Variants in HSPA2 observed in about 807,000 individuals in gnomAD.
HSPA2 encodes heat shock protein family A (Hsp70) member 2.
HSPA2 carries 13 observed loss-of-function variants against 35.0 expected under a neutral mutation model. That is an observed-to-expected ratio of 0.37 (90% confidence interval 0.24 to 0.59). HSPA2 has a LOEUF of 0.59. Among genes scored for constraint, HSPA2 ranks in the 20% least tolerant of loss-of-function variants. The pLI, the probability that HSPA2 is intolerant of heterozygous loss-of-function variation, is 0.70. For synonymous variants in HSPA2, 368 were observed against 382.1 expected, an observed-to-expected ratio of 0.96 and a Z score of 0.43; for missense variants, 565 against 885.4, an observed-to-expected ratio of 0.64 and a Z score of 4.59.
chr14:64,536,070 T>A (rs1186948221), upstream of HSPA2: 4 of 152,198 alleles, frequency 2.6e-5, no homozygotes, highest in Non-Finnish European at 4.4e-5. Flanking sequence ...CTGTTAATAG[T>A]CAAGTTCTCA....
Position 64,542,495 on chromosome 14 carries a change from C to T in HSPA2, c.1646C>T (p.Thr549Ile). ...VAAKNALESY[T>I]YNIKQTVEDE... The stretch of plus-strand genomic sequence containing the variant: ...GCCAAAAACGCCCTGGAGTCCTATA[C>T]CTACAACATCAAGCAGACGGTGGAA... The change falls in exon 1 of 1, where the codon ACC becomes ATC. Residue 549 changes from threonine to isoleucine, a missense_variant. Physicochemically the swap from Thr to Ile is moderately conservative, Grantham distance 89 (BLOSUM62 -1). Around this residue, in one of 4 missense-constraint regions of HSPA2, gnomAD observed 147 missense variants for 166.7 expected, o/e 0.88. Coordinates refer to ENST00000247207, the MANE Select transcript of HSPA2 (RefSeq NM_021979.4). This position sits in a 1 kb window ranked among gnomAD's most constrained non-coding sequence, Gnocchi z 5.7. 1.2e-6 allele frequency: 2 copies of T among 1,613,398 alleles called. No homozygotes were observed. The highest frequency in any genetic ancestry group is 1.7e-6 in the Non-Finnish European group (2 of 1,179,978).
upstream of HSPA2, among the ~76,000 whole-genome samples, chr14:64,537,696 G>T (rs952539080): frequency 1.3e-5 from 2 of 150,270 alleles, no homozygotes; most frequent in African/African-American, 4.9e-5. Context: ...GAAAAGTCTG[G>T]GTTTTATCCT....
chr14:64,540,131 C>T (rs2080013462), upstream of HSPA2, among the ~76,000 whole-genome samples: 1 of 152,178 alleles, frequency 6.6e-6, no homozygotes. Context: ...CCCAGCCACC[C>T]CAATTCCCTA....
upstream of HSPA2, among the ~76,000 whole-genome samples, chr14:64,538,637 C>G (rs1389065420): frequency 1.3e-5 from 2 of 152,178 alleles, no homozygotes; most frequent in Non-Finnish European, 2.9e-5. Context: ...CCTCTGTGTT[C>G]CCATGGCGCT....
upstream of HSPA2, chr14:64,540,737 A>G (rs1596713076): frequency 6.8e-7 from 1 of 1,476,566 alleles, no homozygotes. Flanking sequence ...GGGCGCGGGG[A>G]GCTGAGTTGC....
Position 64,542,201 on chromosome 14 carries a change from C to T in HSPA2, c.1352C>T (p.Ala451Val). 6.2e-7 allele frequency: 1 copy of T among 1,613,790 alleles called. No individual in the cohort carries two copies. The highest frequency in any genetic ancestry group is 8.5e-7 in the Non-Finnish European group (1 of 1,179,928). ...GTGCAGGTATACGAGGGCGAACGGG[C>T]CATGACCAAGGACAATAACCTGCTG... Reference protein sequence around the residue: ...VLVQVYEGERAMTKDNNLLGK... With the variant: ...VLVQVYEGERVMTKDNNLLGK... Residue 451 changes from alanine to valine, a missense_variant, in exon 1 of 1, where the codon GCC becomes GTC. Coordinates refer to ENST00000247207, the MANE Select transcript of HSPA2 (RefSeq NM_021979.4). This position sits in a 1 kb window ranked among gnomAD's most constrained non-coding sequence, Gnocchi z 5.7.
At chr14:64,536,552 G>C (rs2079981731), upstream of HSPA2, among the ~76,000 whole-genome samples, 1 of 152,172 alleles carries the variant, frequency 6.6e-6, no homozygotes, top group Non-Finnish European at 1.5e-5. Flanking sequence ...CTTGAGCTAA[G>C]GAGTTCGAGA....
chr14:64,539,914 T>C (rs1320227281), upstream of HSPA2, among the ~76,000 whole-genome samples: 1 of 152,110 alleles, frequency 6.6e-6, no homozygotes, highest in Non-Finnish European at 1.5e-5. Context: ...TGTCTTAACG[T>C]CGTGATCCGG....
Position 64,541,754 on chromosome 14 carries a change from G to A in HSPA2, c.905G>A (p.Arg302His). 2 of 1,612,400 alleles carry A rather than the reference G, an allele frequency of 1.2e-6. No homozygotes were observed. Among genetic ancestry groups the A allele is most frequent in the Non-Finnish European group, 1.7e-6 (2 of 1,179,678 alleles). The change falls in exon 1 of 1, where the codon CGC becomes CAC. Residue 302 changes from arginine (R) to histidine (H), a missense_variant. Arg to His is a conservative substitution (Grantham distance 29, BLOSUM62 0). Transcript: ENST00000247207. The stretch of plus-strand genomic sequence containing the variant: ...GTGGACTTCTATACGTCCATCACGC[G>A]CGCCCGCTTCGAGGAGCTCAATGCC... ...EGVDFYTSIT[R>H]ARFEELNADL...
In HSPA2 at chr14:64,540,797, G is replaced by C; in HGVS notation, c.-53G>C. The C allele has an allele frequency of 6.3e-7, 1 of 1,596,020 alleles. No homozygotes were observed. Among genetic ancestry groups the C allele is most frequent in the Non-Finnish European group, 8.6e-7 (1 of 1,169,514 alleles). On this transcript the variant is annotated 5_prime_UTR_variant, in exon 1 of 1. Transcript: ENST00000247207. ...CGAGGTGGCCGTTAGTTGACTCCGC[G>C]GAGTTCATCTCCCTGGTTTTCCCGT...
At chr14:64,537,871 C>T (rs776247121), upstream of HSPA2, among the ~76,000 whole-genome samples, 10 of 151,716 alleles carry the variant, frequency 6.6e-5, no homozygotes, top group African/African-American at 1.7e-4. Flanking sequence ...GGATTACAGG[C>T]GCCCACCACC....
chr14:64,540,786 G>A lies in HSPA2; in HGVS notation c.-64G>A. ...GGTGCTTGGTTCGAGGTGGCCGTTA[G>A]TTGACTCCGCGGAGTTCATCTCCCT... On this transcript the variant is annotated 5_prime_UTR_variant, in exon 1 of 1. Transcript: ENST00000247207. 2 of 1,584,336 alleles carry A rather than the reference G, an allele frequency of 1.3e-6. No individual in the cohort carries two copies. The highest frequency in any genetic ancestry group is 3.4e-5 in the Admixed American group (2 of 57,988).
chr14:64,537,329 G>A (rs1478927075), upstream of HSPA2, among the ~76,000 whole-genome samples: 3 of 152,024 alleles, frequency 2.0e-5, no homozygotes, highest in Admixed American at 6.5e-5. Flanking sequence ...GAAAAACTCA[G>A]GCCTGTAATC....
Position 64,542,613 on chromosome 14 carries a change from G to A in HSPA2, c.1764G>A (p.Gln588=). The change falls in exon 1 of 1, where the codon CAG becomes CAA. Residue 588 remains glutamine (Q), a synonymous_variant. Transcript: ENST00000247207. This position sits in a 1 kb window ranked among gnomAD's most constrained non-coding sequence, Gnocchi z 5.7. ...TGATCAACTGGCTCGACCGAAACCAGATGGCAGAGAAAGATGAGTATGAAC... is the reference window on the plus strand; with the variant it reads ...TGATCAACTGGCTCGACCGAAACCAAATGGCAGAGAAAGATGAGTATGAAC... The part of the protein sequence containing the change: ...QEVINWLDRN[Q]MAEKDEYEHK... 1 of 1,613,918 alleles carries A rather than the reference G, an allele frequency of 6.2e-7. No individual in the cohort carries two copies.
upstream of HSPA2, chr14:64,535,989 A>G (rs1485079798): frequency 7.1e-6 from 1 of 141,752 alleles, no homozygotes; most frequent in Non-Finnish European, 1.6e-5. Context: ...AGTCCACTAA[A>G]CCTTTTTTTC....
At chr14:64,537,976 C>T (rs2079992297), upstream of HSPA2, among the ~76,000 whole-genome samples, 2 of 152,108 alleles carry the variant, frequency 1.3e-5, no homozygotes, top group East Asian at 1.9e-4. Flanking sequence ...CCACGCGCCT[C>T]GGCCTCCCAA....
Position 64,541,530 on chromosome 14 carries a change from C to A in HSPA2, c.681C>A (p.Gly227=). ...TCTTCGAGGTGAAGTCCACGGCCGGCGACACCCACCTGGGCGGTGAGGACT... is the reference window on the plus strand; with the variant it reads ...TCTTCGAGGTGAAGTCCACGGCCGGAGACACCCACCTGGGCGGTGAGGACT... ...DGIFEVKSTA[G]DTHLGGEDFD... is the part of the protein sequence containing the mutation. Residue 227 remains glycine, a synonymous_variant, in exon 1 of 1, where the codon GGC becomes GGA. Coordinates refer to ENST00000247207, the MANE Select transcript of HSPA2 (RefSeq NM_021979.4). 6.2e-7 allele frequency: 1 copy of A among 1,609,022 alleles called. No homozygotes were observed. The highest frequency in any genetic ancestry group is 1.3e-5 in the African/African-American group (1 of 74,992).
chr14:64,540,779 G>A lies in HSPA2; in HGVS notation c.-71G>A. 1 of 1,576,736 alleles carries A rather than the reference G, an allele frequency of 6.3e-7. No individual in the cohort carries two copies. Among genetic ancestry groups the A allele is most frequent in the Non-Finnish European group, 8.6e-7 (1 of 1,160,586 alleles). ...TGCCCGTGGTGCTTGGTTCGAGGTG[G>A]CCGTTAGTTGACTCCGCGGAGTTCA... is the stretch of plus-strand genomic sequence containing the variant. On this transcript the variant is annotated 5_prime_UTR_variant, in exon 1 of 1. Transcript: ENST00000247207.
At position 64,542,587 on chromosome 14, in the gene HSPA2, G is replaced by C. The variant is rs1387874798; in HGVS notation, c.1738G>C (p.Val580Leu). The part of the protein sequence containing the change: ...KNKILDKCQE[V>L]INWLDRNQMA... ...CAAGATCCTCGACAAGTGTCAGGAG[G>C]TGATCAACTGGCTCGACCGAAACCA... The change falls in exon 1 of 1, where the codon GTG (valine) becomes CTG (leucine). Residue 580 changes from valine to leucine, a missense_variant. Coordinates refer to ENST00000247207, the MANE Select transcript of HSPA2 (RefSeq NM_021979.4). This position sits in a 1 kb window ranked among gnomAD's most constrained non-coding sequence, Gnocchi z 5.7. The C allele has an allele frequency of 6.2e-7, 1 of 1,613,834 alleles. No homozygotes were observed. The highest frequency in any genetic ancestry group is 1.7e-5 in the Admixed American group (1 of 59,992).
Sources: allele counts gnomAD v4.1 joint callset (sites outside exome capture counted in the v4.1 genomes callset), GRCh38; gene constraint gnomAD v4.1.1; regional missense constraint gnomAD v4.1.1; non-coding constraint Gnocchi (gnomAD v3.1); transcripts MANE v1.5; gene names NCBI Gene and HGNC (gene_info 2026-07-23, HGNC 2026-07-21).